OR51B5: variants seen among roughly 807,000 people sequenced by gnomAD.
OR51B5 encodes the protein olfactory receptor 51B5.
For synonymous variants in OR51B5, 186 were observed against 144.8 expected (o/e 1.28, Z -2.04); for missense variants, 456 against 374.6 (o/e 1.22, Z -1.79).
At chr11:5,350,925 A>C (rs183661738) in intron 1 of OR51B5, among the ~76,000 whole-genome samples, 84 of 152,330 alleles carry the variant, frequency 5.5e-4, no homozygotes, top group African/African-American at 1.9e-3. Flanking sequence ...GGAATATTGA[A>C]GAAAAGTCAA....
intron 1 of OR51B5, chr11:5,390,304 C>A: frequency 6.2e-7 from 1 of 1,613,678 alleles, no homozygotes; most frequent in Non-Finnish European, 8.5e-7. Flanking sequence ...TTAACCCAAT[C>A]ATATACAGCA....
chr11:5,483,785 C>T (rs1185201797), intron 1 of OR51B5, among the ~76,000 whole-genome samples: 1 of 152,226 alleles, frequency 6.6e-6, no homozygotes, highest in Non-Finnish European at 1.5e-5. Context: ...CTGCACATCA[C>T]AGAAAGTCAA....
At chr11:5,467,983 C>T (rs1851163658) in intron 1 of OR51B5, among the ~76,000 whole-genome samples, 1 of 152,102 alleles carries the variant, frequency 6.6e-6, no homozygotes, top group Non-Finnish European at 1.5e-5. Context: ...ATTTTTGTTC[C>T]ATTTTACAGA....
At chr11:5,368,460 T>C (rs201698602) in intron 1 of OR51B5, among the ~76,000 whole-genome samples, 7 of 151,924 alleles carry the variant, frequency 4.6e-5, no homozygotes, top group African/African-American at 2.4e-5. Context: ...ATAGAAATCA[T>C]TGCTATTATT....
In OR51B5 at chr11:5,379,466, TAATA is replaced by T. The variant is rs1163724906; in HGVS notation, n.85-32560_85-32557del. ...CCTAAATCTTAAAGTATAATAATAA[TAATA>T]AATAAAATAAATAAAAAAATAAAAA... On this transcript the variant is annotated intron_variant and non_coding_transcript_variant, in intron 1 of 4. Coordinates refer to the OR51B5 transcript ENST00000415970. 3.7e-5 allele frequency among the ~76,000 whole-genome samples: 5 copies of T among 134,246 alleles called. No individual in the cohort carries two copies. The East Asian group carries it at 5.9e-4, about 16-fold the overall frequency. 88.1% of individuals were successfully genotyped at this position (134,246 alleles called of 152,430 possible). A position where few individuals can be genotyped will look rare whatever the true frequency, so the allele number is the denominator to read the frequency against.
rs902821136 is a variant in OR51B5, at chr11:5,422,700, G to T, written n.85-75790C>A. On this transcript the variant is annotated intron_variant and non_coding_transcript_variant, in intron 1 of 4. Transcript: ENST00000415970. Reference sequence around the variant, plus strand: ...CTTCCCTCCCTTTTCTTACTCAAGCGACTGCCTTTCTGCCACTCCCACCTT... The same window carrying T: ...CTTCCCTCCCTTTTCTTACTCAAGCTACTGCCTTTCTGCCACTCCCACCTT... 6.2e-7 allele frequency: 1 copy of T among 1,613,916 alleles called. No homozygotes were observed. Among genetic ancestry groups the T allele is most frequent in the African/African-American group, 1.3e-5 (1 of 74,956 alleles).
chr11:5,349,988 C>T (rs531920938), intron 1 of OR51B5, among the ~76,000 whole-genome samples: 17 of 152,236 alleles, frequency 1.1e-4, no homozygotes, highest in African/African-American at 3.9e-4. Flanking sequence ...ACCCCATCAT[C>T]ATCTTATATC....
At position 5,373,786 on chromosome 11, in the gene OR51B5, C is replaced by T. The variant is rs187759295; in HGVS notation, n.85-26876G>A. On this transcript the variant is annotated intron_variant and non_coding_transcript_variant, in intron 1 of 4. Transcript: ENST00000415970. ...GCAGCGAGGCTGGGGGAGGGGCAGC[C>T]GCCATTGCCCAGGCTTGCTTAGGTA... 2.9e-3 allele frequency among the ~76,000 whole-genome samples: 444 copies of T among 152,316 alleles called. 1 individual carries two copies. The highest frequency in any genetic ancestry group is 0.01 in the African/African-American group (419 of 41,574).
At chr11:5,489,575 T>C (rs770293989) in intron 1 of OR51B5, 11 of 1,614,052 alleles carry the variant, frequency 6.8e-6, no homozygotes, top group Non-Finnish European at 9.3e-6. Context: ...GTGCCTCCTG[T>C]ACTCAATCCT....
At chr11:5,410,803 T>G (rs1445479284) in intron 1 of OR51B5, among the ~76,000 whole-genome samples, 1 of 150,722 alleles carries the variant, frequency 6.6e-6, no homozygotes, top group Non-Finnish European at 1.5e-5. Context: ...GGCTAATGTG[T>G]GTGTCCATGT....
chr11:5,351,888 C>CTTAAGATATACCT lies in OR51B5; in HGVS notation n.85-4991_85-4979dup, dbSNP rs1389720836. ...ACTGTTTCATTACCATCCGCAGCCC[C>CTTAAGATATACCT]TTAAGATATACCTCTATCCTGACCA... On this transcript the variant is annotated intron_variant and non_coding_transcript_variant, in intron 1 of 4. Coordinates refer to the OR51B5 transcript ENST00000415970. 3 of 1,613,068 alleles carry CTTAAGATATACCT rather than the reference C, an allele frequency of 1.9e-6. No individual in the cohort carries two copies. In the African/African-American group the frequency reaches 4.0e-5, roughly 22 times the overall value.
chr11:5,422,983 T>C, intron 1 of OR51B5: 10 of 1,614,176 alleles, frequency 6.2e-6, no homozygotes, highest in Non-Finnish European at 8.5e-6. Context: ...TTGGTGTATC[T>C]ATGACTCATC....
chr11:5,371,881 A>T (rs770662353), intron 1 of OR51B5, among the ~76,000 whole-genome samples: 2 of 152,138 alleles, frequency 1.3e-5, no homozygotes. Flanking sequence ...GCAAGTTTAT[A>T]ACCTTTGACC....
At chr11:5,432,830 C>T (rs1850550791) in intron 1 of OR51B5, among the ~76,000 whole-genome samples, 1 of 152,062 alleles carries the variant, frequency 6.6e-6, no homozygotes, top group Admixed American at 6.6e-5. Context: ...AGTAAGGTTA[C>T]CAATTTCACT....
intron 1 of OR51B5, among the ~76,000 whole-genome samples, chr11:5,464,555 C>T (rs866131796): frequency 9.3e-5 from 14 of 149,864 alleles, no homozygotes; most frequent in African/African-American, 1.5e-4. Flanking sequence ...TTTGTTCTTG[C>T]GATAGTTTAC....
intron 1 of OR51B5, among the ~76,000 whole-genome samples, chr11:5,498,850 C>T (rs944551298): frequency 3.3e-5 from 5 of 152,158 alleles, no homozygotes; most frequent in Admixed American, 1.3e-4. Flanking sequence ...ACCAATAAGC[C>T]TCTAAATGAG....
chr11:5,502,268 C>T (rs1258411580), intron 1 of OR51B5, among the ~76,000 whole-genome samples: 2 of 152,188 alleles, frequency 1.3e-5, no homozygotes. Context: ...TGACCTTGCA[C>T]TCACCTGTCT....
At chr11:5,505,235 T>C in intron 1 of OR51B5, 1 of 1,083,464 alleles carries the variant, frequency 9.2e-7, no homozygotes, top group Non-Finnish European at 1.2e-6. Flanking sequence ...ATAAATGCAG[T>C]AACATTGCTA....
intron 1 of OR51B5, among the ~76,000 whole-genome samples, chr11:5,499,487 A>G (rs925194991): frequency 3.3e-5 from 5 of 152,134 alleles, no homozygotes; most frequent in African/African-American, 4.8e-5. Context: ...AGTATTTTTT[A>G]TATTCCTCTG....
Sources: allele counts gnomAD v4.1 joint callset (sites outside exome capture counted in the v4.1 genomes callset), GRCh38; gene constraint gnomAD v4.1.1; transcripts MANE v1.5; gene names NCBI Gene and HGNC (gene_info 2026-07-23, HGNC 2026-07-21).